The following ARHGAP23 variants were observed in gnomAD, a reference collection of about 807,000 sequenced individuals.
ARHGAP23 encodes rho GTPase-activating protein 23.
Under a neutral mutation model 136.3 loss-of-function variants are expected in ARHGAP23, and 34 were observed. The observed-to-expected ratio is 0.25, with a 90% confidence interval of 0.19 to 0.33. The LOEUF is 0.33. Ranked by LOEUF, ARHGAP23 falls within the 10% of genes least tolerant of loss-of-function variation. The pLI is 1.00. For synonymous variants in ARHGAP23, 832 were observed against 920.5 expected, an observed-to-expected ratio of 0.90 and a Z score of 1.74; for missense variants, 1,808 against 2,139.0, an observed-to-expected ratio of 0.85 and a Z score of 3.05.
rs117469511 is a variant in ARHGAP23, at chr17:38,490,485, C to T, written c.3084C>T (p.Tyr1028=). The T allele has an allele frequency of 6.5e-7, 1 of 1,549,364 alleles. No homozygotes were observed. The highest frequency in any genetic ancestry group is 8.7e-7 in the Non-Finnish European group (1 of 1,146,638). The change falls in exon 19 of 24, where the codon TAC becomes TAT. Residue 1028 remains tyrosine (Y), a synonymous_variant. Coordinates refer to ENST00000622683, the MANE Select transcript of ARHGAP23 (RefSeq NM_001199417.2). ...AGATCCGGGATCTCCCAGGACACTA[C>T]TATGAAACGCTCAAATTCCTTGTGG... The part of the protein sequence containing the change: ...RKLIRDLPGH[Y]YETLKFLVGH...
Position 38,511,713 on chromosome 17 carries a change from G to C in ARHGAP23, c.*741G>C, listed in dbSNP as rs1203955293. On this transcript the variant is annotated 3_prime_UTR_variant, in exon 24 of 24. Transcript: ENST00000622683. The stretch of plus-strand genomic sequence containing the variant: ...TCACCCTCTAAGCGCTTTAACCACG[G>C]GCAGCTGCCTGTTCCCCAGACAGTT... 1 of 152,078 alleles carries C rather than the reference G, an allele frequency of 6.6e-6. No individual in the cohort carries two copies. Among genetic ancestry groups the C allele is most frequent in the Non-Finnish European group, 1.5e-5 (1 of 68,066 alleles). The allele number at this position is 152,078 out of a possible 1,614,324, so 9.4% of individuals were successfully genotyped here.
upstream of ARHGAP23, among the ~76,000 whole-genome samples, chr17:38,427,280 C>A (rs1163800953): frequency 6.6e-6 from 1 of 152,082 alleles, no homozygotes; most frequent in Non-Finnish European, 1.5e-5. Flanking sequence ...GCCTGGCCAT[C>A]CTGGTGAAAC....
chr17:38,462,772 C>G, intron 3 of ARHGAP23, 74 bp from the exon 4 acceptor site: 4 of 1,040,710 alleles, frequency 3.8e-6, no homozygotes, highest in Non-Finnish European at 5.4e-6. Flanking sequence ...GAGTGTGTGT[C>G]CCCTGTGTGT....
chr17:38,507,724 A>G (rs1159766993), intron 23 of ARHGAP23, among the ~76,000 whole-genome samples: 1 of 152,328 alleles, frequency 6.6e-6, no homozygotes, highest in East Asian at 1.9e-4. Flanking sequence ...ACCACATTGC[A>G]CAACTCCAGG....
intron 17 of ARHGAP23, among the ~76,000 whole-genome samples, chr17:38,487,527 G>C (rs1289902103): frequency 6.6e-6 from 1 of 152,178 alleles, no homozygotes; most frequent in African/African-American, 2.4e-5. Context: ...AAATGTAGGA[G>C]TCTGTCTCTC....
At chr17:38,469,735 C>T in intron 9 of ARHGAP23, 100 bp downstream of exon 9, 4 of 1,500,278 alleles carry the variant, frequency 2.7e-6, no homozygotes, top group South Asian at 1.2e-5. Context: ...ATGCATGGGA[C>T]AGTGTGCCTC....
In ARHGAP23 at chr17:38,482,569, G is replaced by A. The variant is rs890636840; in HGVS notation, c.2798G>A (p.Arg933Gln). 1.9e-5 allele frequency: 29 copies of A among 1,549,820 alleles called. No homozygotes were observed. In the African/African-American group the frequency reaches 2.2e-4, roughly 12 times the overall value. ...VAACCRIVEA[R>Q]GLESTGIYRV... ...GCATGCTGTCGCATTGTGGAGGCAC[G>A]AGGGCTGGAGTCCACAGGCATTTAC... The change falls in exon 16 of 24, where the codon CGA becomes CAA. Residue 933 changes from arginine to glutamine, a missense_variant. By Grantham distance (43) the Arg-to-Gln change is conservative (BLOSUM62 1). Coordinates refer to ENST00000622683, the MANE Select transcript of ARHGAP23 (RefSeq NM_001199417.2).
At position 38,469,275 on chromosome 17, in the gene ARHGAP23, G is replaced by A. The variant is rs1263320474; in HGVS notation, c.1780G>A (p.Gly594Arg). The change falls in exon 8 of 24, where the codon GGA becomes AGA. Residue 594 changes from glycine (G) to arginine (R), a missense_variant. Physicochemically the swap from Gly to Arg is moderately radical, Grantham distance 125. Coordinates refer to ENST00000622683, the MANE Select transcript of ARHGAP23 (RefSeq NM_001199417.2). Reference protein sequence around the residue: ...PSSPTFTFTLGRHYSQDCSSI... With the variant: ...PSSPTFTFTLRRHYSQDCSSI... Reference sequence around the variant, plus strand: ...TTCCCCGACCTTCACTTTCACCCTCGGACGCCATTACTCGCAGGACTGCAG... The same window carrying A: ...TTCCCCGACCTTCACTTTCACCCTCAGACGCCATTACTCGCAGGACTGCAG... The A allele has an allele frequency of 5.8e-6, 9 of 1,551,164 alleles. No homozygotes were observed. The highest frequency in any genetic ancestry group is 4.1e-5 in the African/African-American group (3 of 72,982).
At chr17:38,440,640 G>A (rs972609283) in intron 1 of ARHGAP23, among the ~76,000 whole-genome samples, 3 of 152,326 alleles carry the variant, frequency 2.0e-5, no homozygotes, top group African/African-American at 7.2e-5. Context: ...GCCCTTGGTG[G>A]CACCCAGTGA....
intron 3 of ARHGAP23, among the ~76,000 whole-genome samples, chr17:38,461,361 A>T (rs2039456885): frequency 6.6e-6 from 1 of 152,286 alleles, no homozygotes; most frequent in East Asian, 1.9e-4. Flanking sequence ...TCCTGGTGGA[A>T]GTCAGGGATC....
At chr17:38,427,569 G>A (rs1387015517), upstream of ARHGAP23, among the ~76,000 whole-genome samples, 3 of 152,194 alleles carry the variant, frequency 2.0e-5, no homozygotes, top group Non-Finnish European at 2.9e-5. Context: ...GCTGGCTCAG[G>A]ACCAGGGCAT....
At position 38,510,160 on chromosome 17, in the gene ARHGAP23, GC is replaced by G. The variant is rs1346467559; in HGVS notation, c.3669del (p.Glu1224ArgfsTer59). ...GCAGGGGCCGCTGCCTGGCGCCGTC[GC>G]CCCCGAGGCCCCCGGACGCCTCAGT... ...RPQGPLPGAVAPEAPGRLSPP... is the reference protein window; with the variant it reads ...RPQGPLPGAVXPEAPGRLSPP... On this transcript the variant is annotated frameshift_variant, in exon 24 of 24. Transcript: ENST00000622683. LOFTEE classifies it high-confidence loss of function. The surrounding 1 kb of genome is among the most constrained non-coding windows in gnomAD (Gnocchi z 4.6). 8 of 1,284,714 alleles carry G rather than the reference GC, an allele frequency of 6.2e-6. No homozygotes were observed. Among genetic ancestry groups the G allele is most frequent in the South Asian group, 2.9e-5 (1 of 34,352 alleles). The allele number at this position is 1,284,714 out of a possible 1,614,324, so 79.6% of individuals were successfully genotyped here.
chr17:38,468,624 A>G (rs1444803968), intron 7 of ARHGAP23, among the ~76,000 whole-genome samples: 1 of 152,132 alleles, frequency 6.6e-6, no homozygotes, highest in Non-Finnish European at 1.5e-5. Flanking sequence ...CTAGTAAGGA[A>G]GGCTCTAGGC....
upstream of ARHGAP23, among the ~76,000 whole-genome samples, chr17:38,424,197 C>T (rs1024316842): frequency 2.6e-5 from 4 of 152,110 alleles, no homozygotes; most frequent in African/African-American, 7.2e-5. Context: ...TGGAGCCCCA[C>T]CCTCCAGATA....
rs1241989813 is a variant in ARHGAP23 at position 38,448,858 on chromosome 17, C to CTTTT, written c.64-9230_64-9227dup. On this transcript the variant is annotated intron_variant, in intron 1 of 23. Coordinates refer to ENST00000622683, the MANE Select transcript of ARHGAP23 (RefSeq NM_001199417.2). ...ATGGGGTCTTGCCAAGTTGCCCAGC[C>CTTTT]TTTTTTTTTTTTTTTTTGAGACCGG... Among the ~76,000 whole-genome samples, 752 of 124,212 alleles carry CTTTT rather than the reference C, an allele frequency of 6.1e-3. 30 individuals are homozygous for CTTTT. The highest frequency in any genetic ancestry group is 0.023 in the African/African-American group (684 of 29,682). The allele number at this position is 124,212 out of a possible 152,430, so 81.5% of individuals were successfully genotyped here. A position where few individuals can be genotyped will look rare whatever the true frequency, so the allele number is the denominator to read the frequency against.
chr17:38,427,690 C>T (rs1234422578), upstream of ARHGAP23, among the ~76,000 whole-genome samples: 1 of 152,128 alleles, frequency 6.6e-6, no homozygotes, highest in African/African-American at 2.4e-5. Flanking sequence ...GTGGGCTGGC[C>T]CCATGGCCTG....
chr17:38,451,912 C>G (rs1329093738), intron 1 of ARHGAP23: 2 of 152,546 alleles, frequency 1.3e-5, no homozygotes, highest in African/African-American at 4.8e-5. Flanking sequence ...CCCGCTCTCC[C>G]CCTAAGCTCT....
chr17:38,463,633 G>A (rs570318622), intron 6 of ARHGAP23, among the ~76,000 whole-genome samples: 1 of 152,254 alleles, frequency 6.6e-6, no homozygotes, highest in Admixed American at 6.5e-5. Flanking sequence ...GGCCCAGCAG[G>A]CTCTGCCAGC....
At chr17:38,493,910 C>G (rs977100118) in intron 20 of ARHGAP23, among the ~76,000 whole-genome samples, 3 of 152,216 alleles carry the variant, frequency 2.0e-5, no homozygotes, top group Admixed American at 6.5e-5. Context: ...ACAAAGATCA[C>G]CCAGGGCATT....
Sources: gnomAD v4.1 joint callset for allele counts (sites outside exome capture counted in the v4.1 genomes callset) on GRCh38, gnomAD v4.1.1 for gene constraint, Gnocchi (gnomAD v3.1) non-coding constraint, MANE v1.5 for transcripts, NCBI Gene and HGNC (gene_info 2026-07-23, HGNC 2026-07-21) for gene names.